Variants in ZSWIM9 observed in about 807,000 individuals in gnomAD.
The protein encoded by ZSWIM9 is zinc finger SWIM-type containing 9.
In ZSWIM9, 11 loss-of-function variants were observed where a neutral mutation model predicts 25.0. The ratio of observed to expected loss-of-function variants is 0.44; its 90% CI spans 0.28 to 0.73. The LOEUF is 0.73. Among genes scored for constraint, ZSWIM9 ranks in the 30% least tolerant of loss-of-function variants. The probability of loss-of-function intolerance (pLI) is 0.16; values close to 1 mark genes in which losing one functional copy is unlikely to be tolerated. For missense variants in ZSWIM9, 1,070 were observed against 1,296.5 expected (o/e 0.83, Z 2.68); for synonymous variants, 562 against 582.1 (o/e 0.97, Z 0.50).
In ZSWIM9 at chr19:48,196,815, C is replaced by T. The variant is rs369672104; in HGVS notation, c.2751C>T (p.Ala917=). The T allele has an allele frequency of 8.9e-6, 11 of 1,236,866 alleles. No homozygotes were observed. The African/African-American group carries it at 1.4e-4, about 16-fold the overall frequency. 76.6% of individuals were successfully genotyped at this position (1,236,866 alleles called of 1,614,324 possible). The part of the protein sequence containing the change: ...MDLLRDCWGR[A]PEP ...TGCTCAGGGATTGCTGGGGGAGAGCCCCAGAGCCCTGACCCTTCATGCCTC... is the reference window on the plus strand; with the variant it reads ...TGCTCAGGGATTGCTGGGGGAGAGCTCCAGAGCCCTGACCCTTCATGCCTC... Residue 917 remains alanine, a synonymous_variant, in exon 4 of 4, where the codon GCC becomes GCT. Coordinates refer to ENST00000614654, the MANE Select transcript of ZSWIM9 (RefSeq NM_199341.4).
In ZSWIM9 at chr19:48,180,619, G is replaced by A. The variant is rs562997140; in HGVS notation, c.276-1836G>A. Among the ~76,000 whole-genome samples, 5 of 152,148 alleles carry A rather than the reference G, an allele frequency of 3.3e-5. No individual in the cohort carries two copies. In the East Asian group the frequency reaches 5.8e-4, roughly 18 times the overall value. On this transcript the variant is annotated intron_variant, in intron 2 of 3. Transcript: ENST00000614654. ...CAAGACCCTTAATTTCATCACACCC[G>A]CAAAGGTCCTCTTGCCATGGAAGGC...
intron 3 of ZSWIM9, among the ~76,000 whole-genome samples, chr19:48,188,010 A>C (rs1368146793): frequency 6.6e-6 from 1 of 151,852 alleles, no homozygotes; most frequent in Non-Finnish European, 1.5e-5. Context: ...CAAGCTTTAA[A>C]TTTTCATCCC....
Position 48,197,438 on chromosome 19 carries a change from G to A in ZSWIM9, c.*611G>A. ...AGACAAAAGAAATGTGTGGGAGACG[G>A]GTAGAGACGAAATGCAAGGGGCGTG... On this transcript the variant is annotated 3_prime_UTR_variant, in exon 4 of 4. Transcript: ENST00000614654. 1.6e-6 allele frequency: 1 copy of A among 612,332 alleles called. No individual in the cohort carries two copies. The highest frequency in any genetic ancestry group is 1.8e-5 in the African/African-American group (1 of 54,214). The allele number at this position is 612,332 out of a possible 1,614,324, so 37.9% of individuals were successfully genotyped here. A position where few individuals can be genotyped will look rare whatever the true frequency, so the allele number is the denominator to read the frequency against.
chr19:48,196,889 A>G lies in ZSWIM9; in HGVS notation c.*62A>G. 8.1e-7 allele frequency: 1 copy of G among 1,241,706 alleles called. No homozygotes were observed. The highest frequency in any genetic ancestry group is 3.8e-5 in the South Asian group (1 of 26,144). 76.9% of individuals were successfully genotyped at this position (1,241,706 alleles called of 1,614,324 possible). A position where few individuals can be genotyped will look rare whatever the true frequency, so the allele number is the denominator to read the frequency against. On this transcript the variant is annotated 3_prime_UTR_variant, in exon 4 of 4. Coordinates refer to ENST00000614654, the MANE Select transcript of ZSWIM9 (RefSeq NM_199341.4). ...GGTCGGAGGGCATTCTTCGATCCCAAAGATAATAGGGCTGAGGCCAAGGAG... is the reference window on the plus strand; with the variant it reads ...GGTCGGAGGGCATTCTTCGATCCCAGAGATAATAGGGCTGAGGCCAAGGAG...
intron 2 of ZSWIM9, among the ~76,000 whole-genome samples, chr19:48,173,917 G>A (rs1007225845): frequency 1.3e-5 from 2 of 152,140 alleles, no homozygotes; most frequent in Admixed American, 6.5e-5. Flanking sequence ...TGTGAGCCAC[G>A]GTGCCTGGTC....
At chr19:48,183,270 A>G (rs1334737004) in intron 3 of ZSWIM9, among the ~76,000 whole-genome samples, 1 of 152,022 alleles carries the variant, frequency 6.6e-6, no homozygotes, top group Non-Finnish European at 1.5e-5. Context: ...CTGGGACTAC[A>G]GGGCGTGCCA....
intron 2 of ZSWIM9, among the ~76,000 whole-genome samples, chr19:48,180,194 T>G (rs2036933187): frequency 6.6e-6 from 1 of 152,180 alleles, no homozygotes; most frequent in African/African-American, 2.4e-5. Context: ...TTTTGTATTT[T>G]TAGTAGAGAC....
chr19:48,173,525 CT>C (rs1453282285), intron 2 of ZSWIM9, among the ~76,000 whole-genome samples: 2 of 152,116 alleles, frequency 1.3e-5, no homozygotes, highest in African/African-American at 4.8e-5. Context: ...TCTCGAACTC[CT>C]GACCTCAAGG....
intron 3 of ZSWIM9, among the ~76,000 whole-genome samples, chr19:48,191,451 T>C (rs188707758): frequency 0.012 from 1,771 of 152,276 alleles, 29 homozygotes; most frequent in African/African-American, 0.04. Context: ...GTGATCCACC[T>C]GCCTCGGCTT....
At chr19:48,172,150 C>A in intron 2 of ZSWIM9, 73 bp downstream of exon 2, 1 of 1,341,448 alleles carries the variant, frequency 7.5e-7, no homozygotes, top group Non-Finnish European at 1.0e-6. Context: ...GGGAGACGGG[C>A]AGAGAACACC....
chr19:48,192,118 A>G (rs1230928133), intron 3 of ZSWIM9: 2 of 154,266 alleles, frequency 1.3e-5, no homozygotes, highest in East Asian at 3.9e-4. Context: ...CTTCTTTTTT[A>G]TATTTATTTA....
At chr19:48,173,112 T>C (rs1332312912) in intron 2 of ZSWIM9, among the ~76,000 whole-genome samples, 3 of 151,928 alleles carry the variant, frequency 2.0e-5, no homozygotes, top group African/African-American at 7.3e-5. Flanking sequence ...AGCGATGGAG[T>C]TGGGCAAGAG....
intron 2 of ZSWIM9, chr19:48,181,591 G>A (rs193263678): frequency 6.6e-6 from 1 of 152,334 alleles, no homozygotes; most frequent in East Asian, 1.9e-4. Context: ...ATGCCCATTT[G>A]TCTTGAGTGG....
chr19:48,196,136 G>A lies in ZSWIM9; in HGVS notation c.2072G>A (p.Arg691Lys). The A allele has an allele frequency of 1.6e-6, 2 of 1,240,638 alleles. No individual in the cohort carries two copies. Among genetic ancestry groups the A allele is most frequent in the Non-Finnish European group, 2.0e-6 (2 of 993,840 alleles). The allele number at this position is 1,240,638 out of a possible 1,614,324, so 76.9% of individuals were successfully genotyped here. ...QRGPQWEDERRRGPEIAEERG... is the reference protein window; with the variant it reads ...QRGPQWEDERKRGPEIAEERG... ...GGACCCCAGTGGGAAGATGAGAGGA[G>A]GAGAGGGCCAGAGATTGCAGAGGAG... Residue 691 changes from arginine to lysine, a missense_variant, in exon 4 of 4, where the codon AGG (arginine) becomes AAG (lysine). By Grantham distance (26) the Arg-to-Lys change is conservative (BLOSUM62 2). This residue lies in a region of ZSWIM9 where 583 missense variants were observed against 624.7 expected (regional missense o/e 0.93). Transcript: ENST00000614654.
At chr19:48,185,325 G>T (rs995639568) in intron 3 of ZSWIM9, among the ~76,000 whole-genome samples, 2 of 152,018 alleles carry the variant, frequency 1.3e-5, no homozygotes, top group South Asian at 4.2e-4. Flanking sequence ...AGAAGAGACG[G>T]GGTTTCTCCA....
Position 48,196,056 on chromosome 19 carries a change from G to T in ZSWIM9, c.1992G>T (p.Arg664Ser). Residue 664 changes from arginine to serine, a missense_variant, in exon 4 of 4, where the codon AGG becomes AGT. Physicochemically the swap from Arg to Ser is moderately radical, Grantham distance 110. This residue lies in a region of ZSWIM9 where 583 missense variants were observed against 624.7 expected (regional missense o/e 0.93). Transcript: ENST00000614654. ...KGRGLEVRNL[R>S]GIPLEKSLEL... ...GGGGGCTGGAGGTCAGAAACTTGAG[G>T]GGGATCCCCTTGGAGAAGTCCCTGG... 7.9e-7 allele frequency: 1 copy of T among 1,261,876 alleles called. No individual in the cohort carries two copies. 78.2% of individuals were successfully genotyped at this position (1,261,876 alleles called of 1,614,324 possible).
intron 2 of ZSWIM9, chr19:48,180,820 C>A (rs904692459): frequency 1.4e-5 from 2 of 145,714 alleles, no homozygotes; most frequent in East Asian, 4.0e-4. Flanking sequence ...TGCAGTAGTG[C>A]GATCTCGGCT....
chr19:48,171,669 G>T (rs2036813718), intron 1 of ZSWIM9, 125 bp from the exon 2 acceptor site: 2 of 947,778 alleles, frequency 2.1e-6, no homozygotes, highest in Non-Finnish European at 3.1e-6. Flanking sequence ...AGGCACGTCC[G>T]ACCCCGGGCT....
chr19:48,170,848 G>C (rs1465756613), intron 1 of ZSWIM9, 134 bp downstream of exon 1: 1 of 162,112 alleles, frequency 6.2e-6, no homozygotes, highest in Non-Finnish European at 1.4e-5. Flanking sequence ...GGCTGGATGG[G>C]GCTGCTCGAG....
Sources: gnomAD v4.1 joint callset for allele counts (sites outside exome capture counted in the v4.1 genomes callset) on GRCh38, gnomAD v4.1.1 for gene constraint, gnomAD v4.1.1 regional missense constraint, MANE v1.5 for transcripts, NCBI Gene and HGNC (gene_info 2026-07-23, HGNC 2026-07-21) for gene names.